The following STXBP2 variants were observed in gnomAD, a reference collection of about 807,000 sequenced individuals.
STXBP2 encodes syntaxin-binding protein 2.
A neutral mutation model predicts 72.2 loss-of-function variants in STXBP2; 47 were observed. The ratio of observed to expected loss-of-function variants is 0.65; its 90% CI spans 0.51 to 0.83. The LOEUF (loss-of-function observed/expected upper bound fraction) is 0.83. STXBP2 is among the 40% of genes least tolerant of loss of function. The probability of loss-of-function intolerance (pLI) is 0.00; values close to 1 mark genes in which losing one functional copy is unlikely to be tolerated. For synonymous variants in STXBP2, 367 were observed against 338.7 expected, an observed-to-expected ratio of 1.08 and a Z score of -0.92; for missense variants, 702 against 807.6, an observed-to-expected ratio of 0.87 and a Z score of 1.58.
intron 4 of STXBP2, 28 bp downstream of exon 4, chr19:7,639,835 T>G (rs372697431): frequency 1.2e-6 from 2 of 1,605,338 alleles, no homozygotes; most frequent in Admixed American, 3.3e-5. Flanking sequence ...CGTGTGTGTA[T>G]GCGCGTGCAT....
At chr19:7,631,746 C>T in the STXBP2 span, 12 of 1,445,078 alleles carry the variant, frequency 8.3e-6, no homozygotes, top group African/African-American at 2.9e-5. Flanking sequence ...CGAGAGCGGT[C>T]GGGTCCTGAG....
rs1474941250 is a variant in STXBP2, at chr19:7,643,228, C to T, written c.1090C>T (p.Leu364=). 4 of 1,613,728 alleles carry T rather than the reference C, an allele frequency of 2.5e-6. No homozygotes were observed. Among genetic ancestry groups the T allele is most frequent in the Non-Finnish European group, 3.4e-6 (4 of 1,179,982 alleles). Residue 364 remains leucine (L), a synonymous_variant, in exon 13 of 19, where the codon CTG becomes TTG. Coordinates refer to ENST00000221283, the MANE Select transcript of STXBP2 (RefSeq NM_006949.4). ...MKHFKGSVEK[L]CSVEQDLAMG... is the part of the protein sequence containing the mutation. ...GCACTTCAAGGGCTCGGTGGAGAAGCTGTGTAGTGTGGAGCAGGTGGGGCA... is the reference window on the plus strand; with the variant it reads ...GCACTTCAAGGGCTCGGTGGAGAAGTTGTGTAGTGTGGAGCAGGTGGGGCA...
intron 7 of STXBP2, 59 bp downstream of exon 7, chr19:7,641,912 C>G: frequency 1.3e-6 from 2 of 1,582,024 alleles, no homozygotes; most frequent in South Asian, 1.1e-5. Flanking sequence ...CGTGCAACAC[C>G]TAACCTTTAA....
chr19:7,644,942 C>A, intron 14 of STXBP2, 190 bp downstream of exon 14: 1 of 1,452,800 alleles, frequency 6.9e-7, no homozygotes, highest in South Asian at 1.4e-5. Context: ...GAGGTGAGGG[C>A]TCCCTGCTAA....
upstream of STXBP2, chr19:7,632,144 C>G (rs960657555): frequency 4.8e-6 from 3 of 623,816 alleles, no homozygotes; most frequent in African/African-American, 5.5e-5. This position sits in a 1 kb window ranked among gnomAD's most constrained non-coding sequence, Gnocchi z 5.2. Flanking sequence ...CTCCCTTTGG[C>G]CTCCCCAGAA....
the STXBP2 span, chr19:7,631,476 C>T: frequency 1.3e-6 from 2 of 1,535,668 alleles, no homozygotes; most frequent in South Asian, 2.4e-5. Context: ...CCCCTAGCTT[C>T]AAGAGATAGA....
At chr19:7,631,301 G>A in the STXBP2 span, 242 of 1,412,512 alleles carry the variant, frequency 1.7e-4, 2 homozygotes, top group East Asian at 4.7e-3. Context: ...AGAGTGAAGC[G>A]GATCCCACGC....
chr19:7,633,098 C>T (rs557377978), upstream of STXBP2: 11 of 1,159,938 alleles, frequency 9.5e-6, no homozygotes, highest in African/African-American at 4.6e-5. Flanking sequence ...ATGCGTGTCC[C>T]GCCGTCCTAG....
At chr19:7,630,756 G>T in the STXBP2 span, 1 of 1,536,060 alleles carries the variant, frequency 6.5e-7, no homozygotes, top group Non-Finnish European at 8.7e-7. Context: ...CCCATAAGCC[G>T]ACCCTGCCCT....
upstream of STXBP2, among the ~76,000 whole-genome samples, chr19:7,635,682 C>T (rs1255883056): frequency 6.6e-6 from 1 of 151,822 alleles, no homozygotes; most frequent in East Asian, 1.9e-4. Flanking sequence ...AGCAACAGAG[C>T]GAGACCCGTC....
At chr19:7,631,437 C>A in the STXBP2 span, 7 of 1,511,020 alleles carry the variant, frequency 4.6e-6, no homozygotes, top group African/African-American at 2.8e-5. Flanking sequence ...GTGTGCCCCT[C>A]CCCCCTTCCT....
At chr19:7,635,579 C>T (rs924278766), upstream of STXBP2, among the ~76,000 whole-genome samples, 11 of 152,066 alleles carry the variant, frequency 7.2e-5, no homozygotes, top group African/African-American at 2.7e-4. Context: ...ACCTGTAGTC[C>T]CAGCTACTTG....
In STXBP2 at chr19:7,644,654, A is replaced by C; in HGVS notation, c.1148A>C (p.Lys383Thr). The change falls in exon 14 of 19, where the codon AAG becomes ACG. Residue 383 changes from lysine to threonine, a missense_variant. By Grantham distance (78) the Lys-to-Thr change is moderately conservative. Transcript: ENST00000221283. Reference sequence around the variant, plus strand: ...TCCGACGCAGAGGGGGAGAAGATCAAGGACTCCATGAAGCTGATCGTTCCG... The same window carrying C: ...TCCGACGCAGAGGGGGAGAAGATCACGGACTCCATGAAGCTGATCGTTCCG... Reference protein sequence around the residue: ...MGSDAEGEKIKDSMKLIVPVL... With the variant: ...MGSDAEGEKITDSMKLIVPVL... The C allele has an allele frequency of 5.6e-6, 9 of 1,613,640 alleles. No individual in the cohort carries two copies. The highest frequency in any genetic ancestry group is 7.6e-6 in the Non-Finnish European group (9 of 1,179,838).
At chr19:7,629,951 G>A in the STXBP2 span, 2 of 1,375,198 alleles carry the variant, frequency 1.5e-6, no homozygotes, top group South Asian at 3.0e-5. Context: ...TTCAAAGGAA[G>A]AGGGAGCTCC....
At position 7,638,708 on chromosome 19, in the gene STXBP2, C is replaced by T. The variant is rs547035697; in HGVS notation, c.38-18C>T. 56 of 1,614,070 alleles carry T rather than the reference C, an allele frequency of 3.5e-5. No individual in the cohort carries two copies. The Middle Eastern group carries it at 2.3e-3, about 67-fold the overall frequency. On this transcript the variant is annotated intron_variant, in intron 1 of 18. Coordinates refer to ENST00000221283, the MANE Select transcript of STXBP2 (RefSeq NM_006949.4). ...CCAGAGAACCAGCATTCTGACCCCT[C>T]CCCTCCCTTCCCTGCAGAAATTCTG...
intron 3 of STXBP2, 69 bp from the exon 4 acceptor site, chr19:7,639,662 C>G (rs1486910228): frequency 6.7e-7 from 1 of 1,482,230 alleles, no homozygotes; most frequent in Non-Finnish European, 9.3e-7. Context: ...CAACCCCCCA[C>G]ACCTGAGACT....
chr19:7,640,279 T>G, intron 4 of STXBP2: 1 of 555,604 alleles, frequency 1.8e-6, no homozygotes, highest in Non-Finnish European at 3.4e-6. Context: ...TATATGTATG[T>G]GCATCTGTGT....
chr19:7,640,012 C>A (rs1214989571), intron 4 of STXBP2: 1 of 666,236 alleles, frequency 1.5e-6, no homozygotes, highest in Non-Finnish European at 2.6e-6. Context: ...ATGTATGTGT[C>A]TGTGTGCATG....
At position 7,644,756 on chromosome 19, in the gene STXBP2, G is replaced by C. The variant is rs111543394; in HGVS notation, c.1246+4G>C. The C allele has an allele frequency of 1.2e-6, 2 of 1,613,646 alleles. No homozygotes were observed. Among genetic ancestry groups the C allele is most frequent in the South Asian group, 1.1e-5 (1 of 91,080 alleles). Reference sequence around the variant, plus strand: ...CTCTACATCCTCCTTCGGAATGGTGGGTGGGGGCTGCAGGGAGTTGGAACG... The same window carrying C: ...CTCTACATCCTCCTTCGGAATGGTGCGTGGGGGCTGCAGGGAGTTGGAACG... On this transcript the variant is annotated splice_donor_region_variant and intron_variant, in intron 14 of 18. Coordinates refer to ENST00000221283, the MANE Select transcript of STXBP2 (RefSeq NM_006949.4).
Sources: allele counts gnomAD v4.1 joint callset (sites outside exome capture counted in the v4.1 genomes callset), GRCh38; gene constraint gnomAD v4.1.1; non-coding constraint Gnocchi (gnomAD v3.1); transcripts MANE v1.5; gene names NCBI Gene and HGNC (gene_info 2026-07-23, HGNC 2026-07-21).